EPHA6: variants seen among roughly 807,000 people sequenced by gnomAD.
EPHA6 encodes the protein EPH receptor A6.
EPHA6 carries 50 observed loss-of-function variants against 112.0 expected under a neutral mutation model. The ratio of observed to expected loss-of-function variants is 0.45; its 90% CI spans 0.36 to 0.56. The LOEUF (loss-of-function observed/expected upper bound fraction) is 0.56, where lower values mean the gene tolerates loss of function less well. Ranked by LOEUF, EPHA6 falls within the 20% of genes least tolerant of loss-of-function variation. The probability of loss-of-function intolerance (pLI) is 0.00; values close to 1 mark genes in which losing one functional copy is unlikely to be tolerated. For synonymous variants in EPHA6, 529 were observed against 490.7 expected (o/e 1.08, Z -1.03); for missense variants, 1,280 against 1,417.4 (o/e 0.90, Z 1.56).
At chr3:97,662,418 C>G (rs908467030) in intron 14 of EPHA6, among the ~76,000 whole-genome samples, 5 of 152,120 alleles carry the variant, frequency 3.3e-5, no homozygotes, top group African/African-American at 1.2e-4. Context: ...GTGAAAATAT[C>G]GTAGGCCCAG....
intron 11 of EPHA6, among the ~76,000 whole-genome samples, chr3:97,565,891 C>A (rs948793060): frequency 1.3e-5 from 2 of 151,902 alleles, no homozygotes; most frequent in Admixed American, 6.6e-5. Flanking sequence ...GTGGCGCCTG[C>A]CTGTAGTCCC....
At position 97,375,036 on chromosome 3, in the gene EPHA6, G is replaced by A. The variant is rs1287958554; in HGVS notation, c.1607-30114G>A. 2.6e-5 allele frequency among the ~76,000 whole-genome samples: 4 copies of A among 151,948 alleles called. No homozygotes were observed. The East Asian group carries it at 7.7e-4, about 29-fold the overall frequency. On this transcript the variant is annotated intron_variant, in intron 5 of 17. Coordinates refer to ENST00000389672, the MANE Select transcript of EPHA6 (RefSeq NM_001080448.3). Reference sequence around the variant, plus strand: ...GCACTGGGTACACAAAATTAACAAGGCAAAAATGGTTCTTAGTGTGCTACG... The same window carrying A: ...GCACTGGGTACACAAAATTAACAAGACAAAAATGGTTCTTAGTGTGCTACG...
chr3:97,085,927 T>TTGTATATA (rs1559718504), intron 3 of EPHA6, among the ~76,000 whole-genome samples: 1 of 103,962 alleles, frequency 9.6e-6, no homozygotes, highest in African/African-American at 9.3e-5. Context: ...ATATATGATG[T>TTGTATATA]CATATATATA....
chr3:97,261,671 A>G (rs1187690024), intron 5 of EPHA6, among the ~76,000 whole-genome samples: 1 of 152,168 alleles, frequency 6.6e-6, no homozygotes, highest in Non-Finnish European at 1.5e-5. Flanking sequence ...TCAAGAAAGA[A>G]CCTGTTCTTT....
chr3:97,080,599 G>A (rs2046689690), intron 3 of EPHA6, among the ~76,000 whole-genome samples: 1 of 151,964 alleles, frequency 6.6e-6, no homozygotes, highest in Non-Finnish European at 1.5e-5. Context: ...TATAGTTGAT[G>A]ACTTCACAAA....
At chr3:97,140,497 C>A (rs1258327895) in intron 3 of EPHA6, among the ~76,000 whole-genome samples, 3 of 152,116 alleles carry the variant, frequency 2.0e-5, no homozygotes, top group Non-Finnish European at 4.4e-5. Flanking sequence ...TCAGGAGAAA[C>A]CTTTTAAGCC....
chr3:97,548,287 G>A (rs117813309), intron 11 of EPHA6, among the ~76,000 whole-genome samples: 241 of 152,302 alleles, frequency 1.6e-3, no homozygotes, highest in African/African-American at 3.6e-3. Flanking sequence ...ATTATACACC[G>A]TTCTCAGTGC....
chr3:97,265,603 G>T (rs1476179605), intron 5 of EPHA6, among the ~76,000 whole-genome samples: 6 of 152,296 alleles, frequency 3.9e-5, no homozygotes, highest in African/African-American at 1.4e-4. Context: ...GGCAGGGGGG[G>T]CCTTCCCAAG....
rs2092787189 is a variant in EPHA6, at chr3:97,537,985, T to C, written c.2386+5442T>C. 2.6e-5 allele frequency among the ~76,000 whole-genome samples: 4 copies of C among 152,108 alleles called. No individual in the cohort carries two copies. In the South Asian group the frequency reaches 6.2e-4, roughly 24 times the overall value. On this transcript the variant is annotated intron_variant, in intron 11 of 17. Transcript: ENST00000389672. Reference sequence around the variant, plus strand: ...TAACTTTAGGTAAAGAGCAAAAACCTGAATGCAGGGAGGGAGCAAACCATG... The same window carrying C: ...TAACTTTAGGTAAAGAGCAAAAACCCGAATGCAGGGAGGGAGCAAACCATG...
At chr3:96,893,203 T>C (rs1321580417) in intron 2 of EPHA6, among the ~76,000 whole-genome samples, 1 of 152,180 alleles carries the variant, frequency 6.6e-6, no homozygotes, top group Non-Finnish European at 1.5e-5. Flanking sequence ...TGCATATTAT[T>C]ATGTACAGTA....
At chr3:97,345,002 G>A (rs1174383016) in intron 5 of EPHA6, among the ~76,000 whole-genome samples, 1 of 151,986 alleles carries the variant, frequency 6.6e-6, no homozygotes, top group Non-Finnish European at 1.5e-5. Flanking sequence ...GCCTGAGCAA[G>A]AGTGTAAATT....
intron 3 of EPHA6, among the ~76,000 whole-genome samples, chr3:97,021,985 T>A (rs1181764263): frequency 6.6e-6 from 1 of 152,222 alleles, no homozygotes; most frequent in Non-Finnish European, 1.5e-5. Context: ...CTACAGGACA[T>A]GTCTGACCCT....
intron 2 of EPHA6, among the ~76,000 whole-genome samples, chr3:96,882,768 G>GTGTGTGTA (rs774521290): frequency 0.014 from 2,087 of 148,872 alleles, 107 homozygotes; most frequent in African/African-American, 0.047. Flanking sequence ...GTGTGTGTGT[G>GTGTGTGTA]TATAGTCAAT....
At chr3:96,998,955 C>T (rs2043526078) in intron 3 of EPHA6, among the ~76,000 whole-genome samples, 1 of 151,914 alleles carries the variant, frequency 6.6e-6, no homozygotes, top group Non-Finnish European at 1.5e-5. Flanking sequence ...TCTTTATCTT[C>T]ACTAGTTTTA....
At chr3:97,626,669 T>C (rs987095445) in intron 13 of EPHA6, among the ~76,000 whole-genome samples, 1 of 151,746 alleles carries the variant, frequency 6.6e-6, no homozygotes, top group Non-Finnish European at 1.5e-5. Context: ...GAAAGAAGAA[T>C]GTGGCCAGAA....
At position 97,104,221 on chromosome 3, in the gene EPHA6, C is replaced by T. The variant is rs377696215; in HGVS notation, c.1114+116228C>T. Among the ~76,000 whole-genome samples the T allele has an allele frequency of 7.9e-5, 12 of 151,942 alleles. No individual in the cohort carries two copies. The East Asian group carries it at 1.3e-3, about 17-fold the overall frequency. On this transcript the variant is annotated intron_variant, in intron 3 of 17. Transcript: ENST00000389672. ...GGTGAGAGAGGACATCCCTGTCTTA[C>T]GCCCTTTTCAAATATAATGCTTCCA...
chr3:97,441,246 A>T (rs1577423565), intron 6 of EPHA6, among the ~76,000 whole-genome samples: 1 of 152,182 alleles, frequency 6.6e-6, no homozygotes, highest in South Asian at 2.1e-4. Flanking sequence ...TACAATAAAA[A>T]TTCTAATATA....
chr3:97,462,480 A>C (rs761379491), intron 7 of EPHA6, among the ~76,000 whole-genome samples: 1 of 152,194 alleles, frequency 6.6e-6, no homozygotes, highest in Non-Finnish European at 1.5e-5. Flanking sequence ...TTTCAAATGG[A>C]AATGAGAAGA....
chr3:97,105,800 G>C (rs1243458936), intron 3 of EPHA6, among the ~76,000 whole-genome samples: 1 of 152,122 alleles, frequency 6.6e-6, no homozygotes, highest in Non-Finnish European at 1.5e-5. Context: ...TCCCTTTGTA[G>C]GTCTCTAAGA....
Sources: allele counts gnomAD v4.1 joint callset (sites outside exome capture counted in the v4.1 genomes callset), GRCh38; gene constraint gnomAD v4.1.1; transcripts MANE v1.5; gene names NCBI Gene and HGNC (gene_info 2026-07-23, HGNC 2026-07-21).